Variants in AFG2A observed in about 807,000 individuals in gnomAD.
AFG2A encodes the protein ATPase family gene 2 protein homolog A.
chr4:123,256,045 A>G, the AFG2A span: 1 of 1,614,108 alleles, frequency 6.2e-7, no homozygotes, highest in Admixed American at 1.7e-5. Flanking sequence ...GAATTGATAG[A>G]ATCATCTATG....
chr4:123,179,246 TC>T, the AFG2A span, among the ~76,000 whole-genome samples: 1 of 152,194 alleles, frequency 6.6e-6, no homozygotes, highest in African/African-American at 2.4e-5. Flanking sequence ...ACAGGTTGCC[TC>T]CCCACCTGGA....
the AFG2A span, among the ~76,000 whole-genome samples, chr4:123,196,343 G>C: frequency 6.6e-6 from 1 of 151,810 alleles, no homozygotes; most frequent in Non-Finnish European, 1.5e-5. Flanking sequence ...ATGGTGACTT[G>C]AGGAGTTAAA....
At chr4:123,313,285 G>C in the AFG2A span, among the ~76,000 whole-genome samples, 11 of 152,002 alleles carry the variant, frequency 7.2e-5, no homozygotes, top group Non-Finnish European at 1.5e-4. Flanking sequence ...TCACTTCTCT[G>C]TTCTAATGCA....
chr4:123,046,165 C>T, the AFG2A span, among the ~76,000 whole-genome samples: 2 of 151,274 alleles, frequency 1.3e-5, no homozygotes, highest in African/African-American at 2.4e-5. Flanking sequence ...AAATTTATTT[C>T]GTTTTTATGG....
chr4:122,952,751 A>T, the AFG2A span, among the ~76,000 whole-genome samples: 1 of 152,166 alleles, frequency 6.6e-6, no homozygotes, highest in East Asian at 1.9e-4. Context: ...CTGGGGCAAG[A>T]TGGTAAAAGT....
At chr4:123,060,076 A>G in the AFG2A span, among the ~76,000 whole-genome samples, 4 of 152,176 alleles carry the variant, frequency 2.6e-5, no homozygotes, top group Admixed American at 2.6e-4. Flanking sequence ...CCTCACATCC[A>G]GGTCACACTG....
chr4:123,188,191 T>C, the AFG2A span, among the ~76,000 whole-genome samples: 2 of 152,120 alleles, frequency 1.3e-5, no homozygotes, highest in Non-Finnish European at 2.9e-5. Flanking sequence ...TAAAGATTTA[T>C]ATATTTTAGT....
chr4:123,028,347 A>G, the AFG2A span: 6 of 1,614,192 alleles, frequency 3.7e-6, no homozygotes, highest in Non-Finnish European at 5.1e-6. Context: ...AAACAATGAT[A>G]GCAAAGGCTT....
At chr4:123,117,895 G>C in the AFG2A span, among the ~76,000 whole-genome samples, 1 of 151,534 alleles carries the variant, frequency 6.6e-6, no homozygotes, top group African/African-American at 2.4e-5. Context: ...CCAGGGCTAC[G>C]CAACTAATAT....
chr4:122,945,256 G>C, the AFG2A span, among the ~76,000 whole-genome samples: 1 of 152,348 alleles, frequency 6.6e-6, no homozygotes, highest in Middle Eastern at 3.4e-3. Context: ...GCCTACAGAG[G>C]CAGGCAGGCT....
chr4:123,162,228 T>C, the AFG2A span, among the ~76,000 whole-genome samples: 3 of 152,226 alleles, frequency 2.0e-5, no homozygotes, highest in African/African-American at 7.2e-5. Context: ...AAGTATTTTT[T>C]ATGATAAAGG....
the AFG2A span, among the ~76,000 whole-genome samples, chr4:123,221,529 T>C: frequency 6.6e-6 from 1 of 152,010 alleles, no homozygotes; most frequent in African/African-American, 2.4e-5. Flanking sequence ...TTTTAAACAA[T>C]TGTTAACATT....
At chr4:123,171,250 G>A in the AFG2A span, among the ~76,000 whole-genome samples, 1 of 152,130 alleles carries the variant, frequency 6.6e-6, no homozygotes, top group Non-Finnish European at 1.5e-5. Flanking sequence ...CTGGCACATA[G>A]TAAGTCTGTT....
the AFG2A span, among the ~76,000 whole-genome samples, chr4:123,007,844 CT>C: frequency 2.0e-5 from 3 of 151,810 alleles, no homozygotes; most frequent in African/African-American, 7.2e-5. Flanking sequence ...GACCTGTGAA[CT>C]TTTTCCAGTC....
chr4:123,167,478 G>C, the AFG2A span, among the ~76,000 whole-genome samples: 1 of 152,018 alleles, frequency 6.6e-6, no homozygotes, highest in Non-Finnish European at 1.5e-5. Context: ...CTCCCAAGTA[G>C]CTGGGAGTAC....
the AFG2A span, among the ~76,000 whole-genome samples, chr4:123,288,816 T>G: frequency 6.6e-6 from 1 of 152,140 alleles, no homozygotes; most frequent in Non-Finnish European, 1.5e-5. Flanking sequence ...CCTTCAGTGT[T>G]TCTGCTGGCA....
At chr4:123,298,103 G>GCGTACA in the AFG2A span, among the ~76,000 whole-genome samples, 2,940 of 77,472 alleles carry the variant, frequency 0.038, 54 homozygotes, top group Middle Eastern at 0.086. Flanking sequence ...ATGCATGCGT[G>GCGTACA]CATACACATA....
the AFG2A span, among the ~76,000 whole-genome samples, chr4:123,144,471 A>G: frequency 0.91 from 138,026 of 152,070 alleles, 62,882 homozygotes; most frequent in East Asian, 0.98. Flanking sequence ...TCTGCTATGC[A>G]CTGACCTGGG....
the AFG2A span, among the ~76,000 whole-genome samples, chr4:123,301,666 T>C: frequency 6.6e-6 from 1 of 152,220 alleles, no homozygotes; most frequent in Non-Finnish European, 1.5e-5. Context: ...GGTATACTTA[T>C]TGGTTACTCA....
Sources: gnomAD v4.1 joint callset for allele counts (sites outside exome capture counted in the v4.1 genomes callset) on GRCh38, gnomAD v4.1.1 for gene constraint, MANE v1.5 for transcripts, NCBI Gene and HGNC (gene_info 2026-07-23, HGNC 2026-07-21) for gene names.